INPP5D: variants seen among roughly 807,000 people sequenced by gnomAD.
INPP5D encodes the protein inositol polyphosphate-5-phosphatase D, also known as phosphatidylinositol 3,4,5-trisphosphate 5-phosphatase 1.
A neutral mutation model predicts 122.9 loss-of-function variants in INPP5D; 33 were observed. That is an observed-to-expected ratio of 0.27 (90% confidence interval 0.20 to 0.36). The LOEUF (loss-of-function observed/expected upper bound fraction) is 0.36, where lower values mean the gene tolerates loss of function less well. Among genes scored for constraint, INPP5D ranks in the 10% least tolerant of loss-of-function variants. The pLI is 1.00. For synonymous variants in INPP5D, 584 were observed against 576.2 expected, an observed-to-expected ratio of 1.01 and a Z score of -0.19; for missense variants, 1,053 against 1,412.7, an observed-to-expected ratio of 0.75 and a Z score of 4.08.
rs1334166777 is a variant in INPP5D at position 233,133,953 on chromosome 2, G to C, written c.665+3305G>C. The C allele has an allele frequency of 6.6e-6, 3 of 456,174 alleles. No homozygotes were observed. In the Admixed American group the frequency reaches 7.1e-5, roughly 11 times the overall value. 28.3% of individuals were successfully genotyped at this position (456,174 alleles called of 1,614,324 possible). A position where few individuals can be genotyped will look rare whatever the true frequency, so the allele number is the denominator to read the frequency against. ...GGCACATGCGGCTCAACAGATATTA[G>C]GTAAATGACCCAATGGCTGGGGGCG... On this transcript the variant is annotated intron_variant, in intron 5 of 26. Transcript: ENST00000445964.
intron 3 of INPP5D, 83 bp downstream of exon 3, chr2:233,122,340 G>A: frequency 1.4e-6 from 2 of 1,419,914 alleles, no homozygotes; most frequent in Non-Finnish European, 1.9e-6. Flanking sequence ...GACTAGGTGA[G>A]TCCTATTATC....
At chr2:233,067,175 A>G (rs1375174654) in intron 1 of INPP5D, among the ~76,000 whole-genome samples, 1 of 152,256 alleles carries the variant, frequency 6.6e-6, no homozygotes, top group East Asian at 1.9e-4. Context: ...CCTCGAAAAG[A>G]AAAGAAACCC....
Position 233,204,325 on chromosome 2 carries a change from A to C in INPP5D, c.3175A>C (p.Ser1059Arg). 1 of 1,611,586 alleles carries C rather than the reference A, an allele frequency of 6.2e-7. No homozygotes were observed. The highest frequency in any genetic ancestry group is 8.5e-7 in the Non-Finnish European group (1 of 1,179,052). Residue 1059 changes from serine to arginine, a missense_variant, in exon 26 of 27, where the codon AGC (serine) becomes CGC (arginine). Physicochemically the swap from Ser to Arg is moderately radical, Grantham distance 110. Coordinates refer to ENST00000445964, the MANE Select transcript of INPP5D (RefSeq NM_001017915.3). ...PCPEPGILSPSIVLTKAQEAD... is the reference protein window; with the variant it reads ...PCPEPGILSPRIVLTKAQEAD... ...CCCGGAACCCGGCATCTTGTCGCCC[A>C]GCATCGTGCTCACCAAAGCCCAGGA...
At position 233,147,710 on chromosome 2, in the gene INPP5D, G is replaced by A. The variant is rs141392009; in HGVS notation, c.1030+116G>A. ...AGGTCTGTCTTCCGCACGCATGCGCGCCTGCGCTCATGCTTTTGTGTGTGT... is the reference window on the plus strand; with the variant it reads ...AGGTCTGTCTTCCGCACGCATGCGCACCTGCGCTCATGCTTTTGTGTGTGT... On this transcript the variant is annotated intron_variant, in intron 9 of 26. Coordinates refer to ENST00000445964, the MANE Select transcript of INPP5D (RefSeq NM_001017915.3). 2.6e-3 allele frequency: 1,633 copies of A among 636,170 alleles called. 18 individuals carry two copies. Among genetic ancestry groups the A allele is most frequent in the East Asian group, 0.021 (761 of 36,444 alleles). 39.4% of individuals were successfully genotyped at this position (636,170 alleles called of 1,614,324 possible).
chr2:233,123,310 C>G (rs1055841818), intron 3 of INPP5D, among the ~76,000 whole-genome samples: 2 of 152,078 alleles, frequency 1.3e-5, no homozygotes, highest in Non-Finnish European at 2.9e-5. Flanking sequence ...AAAAATTAGC[C>G]AGGTGTGGTG....
chr2:233,204,723 C>T lies in INPP5D; in HGVS notation c.3567+6C>T. The T allele has an allele frequency of 1.3e-6, 2 of 1,495,800 alleles. No homozygotes were observed. Among genetic ancestry groups the T allele is most frequent in the Non-Finnish European group, 1.8e-6 (2 of 1,125,580 alleles). The allele number at this position is 1,495,800 out of a possible 1,614,324, so 92.7% of individuals were successfully genotyped here. ...TAGGCAGGACTGCCATGCAGGTGCG[C>T]TGCGCCACACGTGGGTTCGTGTGCA... On this transcript the variant is annotated splice_donor_region_variant and intron_variant, in intron 26 of 26. Transcript: ENST00000445964.
intron 9 of INPP5D, among the ~76,000 whole-genome samples, chr2:233,156,916 T>G (rs749783675): frequency 6.6e-5 from 10 of 152,194 alleles, no homozygotes; most frequent in Non-Finnish European, 1.3e-4. Flanking sequence ...AAGCCAGCCT[T>G]TCAAGCAAGC....
chr2:233,137,464 T>C (rs988745675), intron 5 of INPP5D, among the ~76,000 whole-genome samples: 3 of 124,480 alleles, frequency 2.4e-5, no homozygotes, highest in African/African-American at 7.8e-5. Context: ...TTTTTTTTTT[T>C]TTTTTATGAG....
chr2:233,136,965 A>G (rs1428037063), intron 5 of INPP5D, among the ~76,000 whole-genome samples: 1 of 152,260 alleles, frequency 6.6e-6, no homozygotes, highest in Non-Finnish European at 1.5e-5. Context: ...CGTAAAATAT[A>G]AAACATTAAA....
At chr2:233,113,981 G>C (rs1692711226) in intron 2 of INPP5D, among the ~76,000 whole-genome samples, 1 of 145,828 alleles carries the variant, frequency 6.9e-6, no homozygotes, top group African/African-American at 2.7e-5. Flanking sequence ...CGCCATCTCA[G>C]CTCACTGCAA....
chr2:233,173,068 G>T lies in INPP5D; in HGVS notation c.1989+1916G>T, dbSNP rs189307103. 8.3e-4 allele frequency among the ~76,000 whole-genome samples: 126 copies of T among 152,274 alleles called. 2 individuals carry two copies. The East Asian group carries it at 0.018, about 21-fold the overall frequency. ...TACTAAAAATACAAAAATTAGCCAT[G>T]CATGGCGGTACACGCCTGTAACCCC... On this transcript the variant is annotated intron_variant, in intron 17 of 26. Transcript: ENST00000445964.
At chr2:233,116,057 T>C (rs1012825660) in intron 2 of INPP5D, among the ~76,000 whole-genome samples, 2 of 151,908 alleles carry the variant, frequency 1.3e-5, no homozygotes, top group Non-Finnish European at 2.9e-5. Flanking sequence ...AAGAGAAGAG[T>C]ATTTTGTTTC....
At chr2:233,143,930 GGGTGGAGATGGT>G (rs1693679891) in intron 6 of INPP5D, among the ~76,000 whole-genome samples, 3 of 151,600 alleles carry the variant, frequency 2.0e-5, no homozygotes, top group Non-Finnish European at 4.4e-5. Context: ...GGAATGGTGA[GGGTGGAGATGGT>G]GGTGGTGATG....
At chr2:233,169,505 C>A (rs905420769) in intron 14 of INPP5D, 104 bp downstream of exon 14, 12 of 1,498,878 alleles carry the variant, frequency 8.0e-6, no homozygotes, top group Non-Finnish European at 9.9e-6. Flanking sequence ...CTGCCTTTGA[C>A]CTTGTGGATG....
chr2:233,085,484 T>C (rs948448112), intron 2 of INPP5D, among the ~76,000 whole-genome samples: 28 of 152,186 alleles, frequency 1.8e-4, no homozygotes, highest in African/African-American at 6.8e-4. Flanking sequence ...CATTTTTTTC[T>C]TTTTTTCTAC....
chr2:233,090,055 G>A (rs1414657710), intron 2 of INPP5D, among the ~76,000 whole-genome samples: 1 of 152,218 alleles, frequency 6.6e-6, no homozygotes, highest in Non-Finnish European at 1.5e-5. Flanking sequence ...CTCCCCCAGT[G>A]AGCTGTGGAG....
intron 5 of INPP5D, among the ~76,000 whole-genome samples, chr2:233,139,286 C>G (rs929414538): frequency 6.6e-6 from 1 of 152,080 alleles, no homozygotes; most frequent in South Asian, 2.1e-4. Flanking sequence ...GCATAAAGCC[C>G]GAGGATTGGA....
intron 9 of INPP5D, among the ~76,000 whole-genome samples, chr2:233,154,110 A>G (rs36194657): frequency 0.51 from 77,404 of 152,066 alleles, 20,372 homozygotes; most frequent in East Asian, 0.66. Context: ...GGGGACAGGA[A>G]ACAGGGGACA....
rs1370436976 is a variant in INPP5D, at chr2:233,100,782, G to A, written c.199-21325G>A. On this transcript the variant is annotated intron_variant, in intron 2 of 26. Coordinates refer to ENST00000445964, the MANE Select transcript of INPP5D (RefSeq NM_001017915.3). The surrounding 1 kb of genome is among the most constrained non-coding windows in gnomAD (Gnocchi z 5.3). ...GCCTCCTTTCCCCAGAGGGCAGGGT[G>A]GGCCCCACTGGGGAGCTGGAGGGCT... is the stretch of plus-strand genomic sequence containing the variant. 2.0e-5 allele frequency among the ~76,000 whole-genome samples: 3 copies of A among 152,212 alleles called. No homozygotes were observed. The highest frequency in any genetic ancestry group is 4.4e-5 in the Non-Finnish European group (3 of 68,040).
Sources: gnomAD v4.1 joint callset for allele counts (sites outside exome capture counted in the v4.1 genomes callset) on GRCh38, gnomAD v4.1.1 for gene constraint, Gnocchi (gnomAD v3.1) non-coding constraint, MANE v1.5 for transcripts, NCBI Gene and HGNC (gene_info 2026-07-23, HGNC 2026-07-21) for gene names.